Variants in DCC observed in about 807,000 individuals in gnomAD.
The protein encoded by DCC is netrin receptor DCC.
A neutral mutation model predicts 172.5 loss-of-function variants in DCC; 58 were observed. That is an observed-to-expected ratio of 0.34 (90% CI 0.27 to 0.42). The LOEUF (loss-of-function observed/expected upper bound fraction) is 0.42. Among genes scored for constraint, DCC ranks in the 10% least tolerant of loss-of-function variants. DCC has a pLI of 1.00. For missense variants in DCC, 1,740 were observed against 1,791.0 expected (o/e 0.97, Z 0.51); for synonymous variants, 709 against 644.5 (o/e 1.10, Z -1.52).
At chr18:53,471,255 G>T (rs553879013) in intron 25 of DCC, among the ~76,000 whole-genome samples, 1 of 152,086 alleles carries the variant, frequency 6.6e-6, no homozygotes, top group Admixed American at 6.6e-5. Flanking sequence ...TAATCACATC[G>T]TGGAGAATAT....
At chr18:52,993,494 T>C (rs976026446) in intron 5 of DCC, among the ~76,000 whole-genome samples, 7 of 151,922 alleles carry the variant, frequency 4.6e-5, no homozygotes, top group Non-Finnish European at 5.9e-5. Context: ...ACCATGAACA[T>C]TTAAATGAGA....
chr18:53,423,932 G>A (rs952870987), intron 21 of DCC, among the ~76,000 whole-genome samples: 17 of 152,204 alleles, frequency 1.1e-4, no homozygotes, highest in African/African-American at 4.1e-4. Context: ...AATGAAAAGT[G>A]TAGATTGGAC....
In DCC at chr18:53,062,439, C is replaced by T. The variant is rs80019089; in HGVS notation, c.986-866C>T. On this transcript the variant is annotated intron_variant, in intron 5 of 28. Coordinates refer to ENST00000442544, the MANE Select transcript of DCC (RefSeq NM_005215.4). Reference sequence around the variant, plus strand: ...TCCATTTTCTATGTGAAACAGATCACGGCTGCTACTTCACTGTGAATTTAA... The same window carrying T: ...TCCATTTTCTATGTGAAACAGATCATGGCTGCTACTTCACTGTGAATTTAA... Among the ~76,000 whole-genome samples the T allele has an allele frequency of 2.8e-3, 423 of 152,164 alleles. 1 individual carries two copies. The highest frequency in any genetic ancestry group is 4.2e-3 in the East Asian group (22 of 5,182).
chr18:52,364,570 A>C (rs1261118759), intron 1 of DCC, among the ~76,000 whole-genome samples: 1 of 152,184 alleles, frequency 6.6e-6, no homozygotes, highest in Non-Finnish European at 1.5e-5. Context: ...GGTGAGGAAA[A>C]CATTTATTAC....
intron 5 of DCC, among the ~76,000 whole-genome samples, chr18:52,957,231 T>C (rs2040759304): frequency 6.6e-6 from 1 of 152,158 alleles, no homozygotes; most frequent in Non-Finnish European, 1.5e-5. Flanking sequence ...ATTTGGAGTT[T>C]TCTAGCCATT....
At chr18:53,014,345 A>G (rs1020447089) in intron 5 of DCC, among the ~76,000 whole-genome samples, 11 of 151,858 alleles carry the variant, frequency 7.2e-5, no homozygotes, top group Admixed American at 7.2e-4. Flanking sequence ...GGTTAGTTAC[A>G]TATGTATACA....
chr18:52,411,956 AG>A (rs1333057584), intron 1 of DCC, among the ~76,000 whole-genome samples: 2 of 152,118 alleles, frequency 1.3e-5, no homozygotes, highest in African/African-American at 4.8e-5. Flanking sequence ...GTGCCTCATT[AG>A]CTTGGAATTC....
intron 2 of DCC, among the ~76,000 whole-genome samples, chr18:52,765,179 A>G (rs1368019782): frequency 6.8e-6 from 1 of 147,052 alleles, no homozygotes; most frequent in African/African-American, 2.5e-5. Context: ...GATTACAGGC[A>G]TGTGCTAGCA....
At chr18:52,798,131 G>A (rs2037913653) in intron 2 of DCC, among the ~76,000 whole-genome samples, 1 of 148,204 alleles carries the variant, frequency 6.7e-6, no homozygotes. Context: ...TGTTGCATAG[G>A]GCAACCATCA....
intron 2 of DCC, among the ~76,000 whole-genome samples, chr18:52,877,561 G>C (rs1473520168): frequency 1.3e-5 from 2 of 151,958 alleles, no homozygotes; most frequent in Non-Finnish European, 2.9e-5. Flanking sequence ...ACAAAAATTA[G>C]CCAGGCATGG....
At chr18:53,334,851 A>G (rs1184281059) in intron 14 of DCC, among the ~76,000 whole-genome samples, 1 of 152,142 alleles carries the variant, frequency 6.6e-6, no homozygotes, top group Non-Finnish European at 1.5e-5. Flanking sequence ...GGAAACTTTG[A>G]TTTCTTCCAC....
At chr18:52,681,473 A>T (rs1055425692) in intron 1 of DCC, among the ~76,000 whole-genome samples, 1 of 152,120 alleles carries the variant, frequency 6.6e-6, no homozygotes, top group Non-Finnish European at 1.5e-5. Context: ...CTAAATAGGG[A>T]TAACATTAGG....
At chr18:52,808,650 G>A (rs2038134433) in intron 2 of DCC, among the ~76,000 whole-genome samples, 1 of 152,182 alleles carries the variant, frequency 6.6e-6, no homozygotes, top group South Asian at 2.1e-4. Context: ...ATCCAAGGGA[G>A]TGTCTCCTGC....
intron 26 of DCC, among the ~76,000 whole-genome samples, chr18:53,492,444 A>G (rs1462475713): frequency 3.9e-5 from 6 of 152,200 alleles, no homozygotes; most frequent in African/African-American, 1.4e-4. Context: ...TTTAGGTCTT[A>G]TGTTTAAGTC....
intron 1 of DCC, among the ~76,000 whole-genome samples, chr18:52,343,895 C>T (rs1048874976): frequency 1.4e-4 from 22 of 151,988 alleles, no homozygotes; most frequent in African/African-American, 4.8e-4. Context: ...CCTGAGGGCT[C>T]GGGGTAGGCT....
At chr18:52,420,135 G>A (rs991754352) in intron 1 of DCC, among the ~76,000 whole-genome samples, 8 of 152,142 alleles carry the variant, frequency 5.3e-5, no homozygotes, top group Non-Finnish European at 1.2e-4. Flanking sequence ...TTTAAATAAT[G>A]GTTGTGCATT....
intron 7 of DCC, among the ~76,000 whole-genome samples, chr18:53,094,665 A>C (rs2144193953): frequency 6.6e-6 from 1 of 152,350 alleles, no homozygotes; most frequent in East Asian, 1.9e-4. Context: ...TGCAGCTAAT[A>C]GATACAATAT....
At chr18:53,349,161 T>G (rs1350926307) in intron 15 of DCC, among the ~76,000 whole-genome samples, 1 of 152,222 alleles carries the variant, frequency 6.6e-6, no homozygotes, top group Non-Finnish European at 1.5e-5. Context: ...GAGAAATTTA[T>G]TCCGCTAGAT....
chr18:52,398,352 T>C (rs767537102), intron 1 of DCC, among the ~76,000 whole-genome samples: 8 of 151,992 alleles, frequency 5.3e-5, no homozygotes, highest in Non-Finnish European at 7.4e-5. Context: ...CAAGGAAAAG[T>C]TCATTCCACT....
Sources: allele counts gnomAD v4.1 joint callset (sites outside exome capture counted in the v4.1 genomes callset), GRCh38; gene constraint gnomAD v4.1.1; transcripts MANE v1.5; gene names NCBI Gene and HGNC (gene_info 2026-07-23, HGNC 2026-07-21).